Variants in MGST2 observed in about 807,000 individuals in gnomAD.
MGST2 encodes the protein microsomal glutathione S-transferase 2.
MGST2 carries 9 observed loss-of-function variants against 16.6 expected under a neutral mutation model. The ratio of observed to expected loss-of-function variants is 0.54; its 90% confidence interval spans 0.33 to 0.95. MGST2 has a LOEUF of 0.95. MGST2 is among the 40% of genes least tolerant of loss of function. The pLI is 0.03. For synonymous variants in MGST2, 79 were observed against 68.0 expected (o/e 1.16, Z -0.79); for missense variants, 159 against 175.1 (o/e 0.91, Z 0.52).
chr4:139,692,180 A>G (rs1726649778), intron 2 of MGST2, among the ~76,000 whole-genome samples: 2 of 152,164 alleles, frequency 1.3e-5, no homozygotes, highest in Non-Finnish European at 2.9e-5. Flanking sequence ...CAAAGGGCCT[A>G]TTTCTTGAGA....
intron 5 of MGST2, among the ~76,000 whole-genome samples, chr4:139,725,161 A>AG (rs1728415580): frequency 6.6e-6 from 1 of 152,206 alleles, no homozygotes; most frequent in Non-Finnish European, 1.5e-5. Flanking sequence ...CACTGCTACT[A>AG]GGTCATGATT....
chr4:139,690,082 C>G (rs553778205), intron 2 of MGST2, among the ~76,000 whole-genome samples: 1 of 152,256 alleles, frequency 6.6e-6, no homozygotes, highest in Non-Finnish European at 1.5e-5. Flanking sequence ...GCCTCCGCCT[C>G]CTGGGTTCAA....
intron 5 of MGST2, chr4:139,725,946 G>A (rs1026308016): frequency 2.3e-6 from 2 of 863,526 alleles, no homozygotes; most frequent in African/African-American, 3.3e-5. Context: ...ACTAAACTTT[G>A]TGTTGAAGAA....
chr4:139,671,614 G>A (rs772414696), intron 1 of MGST2, among the ~76,000 whole-genome samples: 9 of 151,508 alleles, frequency 5.9e-5, no homozygotes, highest in Non-Finnish European at 8.8e-5. Context: ...CTACAGGTGC[G>A]CCACCATGCC....
chr4:139,706,953 T>G (rs1293017501), downstream of MGST2, among the ~76,000 whole-genome samples: 1 of 152,240 alleles, frequency 6.6e-6, no homozygotes, highest in Non-Finnish European at 1.5e-5. Flanking sequence ...ATTTTATTTT[T>G]AGAAATCAGA....
chr4:139,675,974 C>G (rs1296263519), intron 1 of MGST2, among the ~76,000 whole-genome samples: 1 of 152,086 alleles, frequency 6.6e-6, no homozygotes, highest in African/African-American at 2.4e-5. Context: ...TAGGGAAGAT[C>G]AATTATTTCT....
intron 5 of MGST2, chr4:139,717,220 A>G (rs1299002548): frequency 1.3e-5 from 2 of 152,436 alleles, no homozygotes; most frequent in Non-Finnish European, 2.9e-5. Flanking sequence ...CCCAGTACTG[A>G]GCATTTGGAG....
At chr4:139,734,036 T>C (rs1228065264) in intron 5 of MGST2, among the ~76,000 whole-genome samples, 2 of 152,174 alleles carry the variant, frequency 1.3e-5, no homozygotes, top group African/African-American at 4.8e-5. Flanking sequence ...GAAACATCTT[T>C]AGTTCGCAAC....
At chr4:139,695,919 C>G (rs997194260) in intron 3 of MGST2, among the ~76,000 whole-genome samples, 2 of 152,176 alleles carry the variant, frequency 1.3e-5, no homozygotes, top group Non-Finnish European at 2.9e-5. Flanking sequence ...CTGCATGTAA[C>G]TTGATAACCC....
intron 2 of MGST2, among the ~76,000 whole-genome samples, chr4:139,694,454 C>T (rs1351128967): frequency 6.6e-6 from 1 of 152,046 alleles, no homozygotes; most frequent in African/African-American, 2.4e-5. Flanking sequence ...CTCGGCCAAC[C>T]TAACCAAGAT....
At chr4:139,743,607 G>A (rs1280218876), downstream of MGST2, among the ~76,000 whole-genome samples, 2 of 152,174 alleles carry the variant, frequency 1.3e-5, no homozygotes, top group Non-Finnish European at 2.9e-5. Flanking sequence ...GAGTGGGGAT[G>A]ACAAACCTGG....
the MGST2 span, among the ~76,000 whole-genome samples, chr4:139,754,211 T>G: frequency 6.6e-6 from 1 of 152,244 alleles, no homozygotes; most frequent in Non-Finnish European, 1.5e-5. Flanking sequence ...AGGTCAATTA[T>G]GGGTGAGTTT....
At chr4:139,709,071 A>AATTTTTTTTTTTTTTTT (rs755140695), downstream of MGST2, among the ~76,000 whole-genome samples, 3 of 81,968 alleles carry the variant, frequency 3.7e-5, no homozygotes, top group Non-Finnish European at 4.5e-5. Flanking sequence ...AATGGAAAAA[A>AATTTTTTTTTTTTTTTT]TTTTTTTTTT....
At chr4:139,702,693 T>C (rs1727314338) in intron 3 of MGST2, among the ~76,000 whole-genome samples, 1 of 151,928 alleles carries the variant, frequency 6.6e-6, no homozygotes, top group Non-Finnish European at 1.5e-5. Context: ...GGTAAATACA[T>C]AGGAATGAGA....
intron 1 of MGST2, among the ~76,000 whole-genome samples, chr4:139,669,481 CAA>C (rs1295892403): frequency 3.3e-5 from 5 of 152,192 alleles, no homozygotes; most frequent in African/African-American, 1.2e-4. Flanking sequence ...ATGTTACCAT[CAA>C]AGAGGGTTTA....
intron 1 of MGST2, 53 bp from the exon 2 acceptor site, chr4:139,678,490 T>C (rs1385676836): frequency 2.2e-6 from 3 of 1,339,528 alleles, no homozygotes; most frequent in Non-Finnish European, 3.2e-6. Flanking sequence ...TGCATTCCAC[T>C]AATGACTAAT....
At position 139,721,050 on chromosome 4, in the gene MGST2, T is replaced by C. The variant is rs985088724; in HGVS notation, c.*48+16854T>C. On this transcript the variant is annotated intron_variant, in intron 5 of 5. Transcript: ENST00000616265. ...TGTCATTGCAAACTGGCCAGCTTCC[T>C]GAGCTAGAAAAAGAAATCATCCTGC... 7.2e-5 allele frequency among the ~76,000 whole-genome samples: 11 copies of C among 152,246 alleles called. 1 individual carries two copies. Among genetic ancestry groups the C allele is most frequent in the Admixed American group, 6.5e-4 (10 of 15,278 alleles).
At chr4:139,710,954 TG>T (rs1381278834) in intron 5 of MGST2, among the ~76,000 whole-genome samples, 1 of 151,274 alleles carries the variant, frequency 6.6e-6, no homozygotes, top group African/African-American at 2.4e-5. Context: ...AGAAAGAGAG[TG>T]GGGGTAACAG....
At chr4:139,753,341 A>ATCTATCT in the MGST2 span, among the ~76,000 whole-genome samples, 4 of 146,578 alleles carry the variant, frequency 2.7e-5, no homozygotes, top group East Asian at 8.1e-4. Flanking sequence ...TTTTCTTTTT[A>ATCTATCT]ATCTATCTAT....
Sources: gnomAD v4.1 joint callset for allele counts (sites outside exome capture counted in the v4.1 genomes callset) on GRCh38, gnomAD v4.1.1 for gene constraint, MANE v1.5 for transcripts, NCBI Gene and HGNC (gene_info 2026-07-23, HGNC 2026-07-21) for gene names.